Variants in S100Z observed in about 807,000 individuals in gnomAD.
S100Z encodes the protein protein S100-Z.
In S100Z, 11 loss-of-function variants were observed where a neutral mutation model predicts 8.5. The ratio of observed to expected loss-of-function variants is 1.30; its 90% CI spans 0.82 to 2.15. The LOEUF (loss-of-function observed/expected upper bound fraction) is 2.15, where lower values mean the gene tolerates loss of function less well. S100Z is among the 30% of genes most tolerant of loss of function. The probability of loss-of-function intolerance (pLI) is 0.00; values close to 1 mark genes in which losing one functional copy is unlikely to be tolerated. For synonymous variants in S100Z, 34 were observed against 43.8 expected (o/e 0.78, Z 0.89); for missense variants, 126 against 117.9 (o/e 1.07, Z -0.32).
At chr5:76,852,853 A>C (rs1750768868) in intron 1 of S100Z, among the ~76,000 whole-genome samples, 1 of 152,230 alleles carries the variant, frequency 6.6e-6, no homozygotes, top group African/African-American at 2.4e-5. Flanking sequence ...CTAGCAGCCA[A>C]AGAAAAAGAG....
chr5:76,904,994 A>C (rs1370777381), intron 4 of S100Z, among the ~76,000 whole-genome samples: 1 of 151,800 alleles, frequency 6.6e-6, no homozygotes, highest in East Asian at 1.9e-4. Context: ...ACGAAGGGCA[A>C]CTCTCATTCC....
At chr5:76,882,554 A>C (rs1743442242) in intron 4 of S100Z, among the ~76,000 whole-genome samples, 1 of 152,212 alleles carries the variant, frequency 6.6e-6, no homozygotes, top group African/African-American at 2.4e-5. Context: ...CAGTATCCAA[A>C]GGCAAAAGTA....
the S100Z span, among the ~76,000 whole-genome samples, chr5:76,940,347 C>G: frequency 2.0e-5 from 3 of 151,714 alleles, no homozygotes; most frequent in Admixed American, 2.0e-4. Flanking sequence ...GCAAAGGAGG[C>G]TGAGGAAAAT....
the S100Z span, among the ~76,000 whole-genome samples, chr5:76,936,356 T>C: frequency 2.4e-4 from 37 of 152,126 alleles, no homozygotes; most frequent in African/African-American, 8.4e-4. Context: ...TATAAGCTTA[T>C]TTTTATAAGA....
chr5:76,910,028 C>T (rs1011960016), intron 4 of S100Z, among the ~76,000 whole-genome samples: 3 of 152,184 alleles, frequency 2.0e-5, no homozygotes, highest in African/African-American at 7.2e-5. Context: ...GTATGGATCC[C>T]CACTGGGATC....
chr5:76,858,813 C>T (rs929060616), intron 1 of S100Z, among the ~76,000 whole-genome samples: 2 of 152,042 alleles, frequency 1.3e-5, no homozygotes, highest in Non-Finnish European at 2.9e-5. Context: ...GATACACAGA[C>T]TATAAAATAA....
intron 2 of S100Z, among the ~76,000 whole-genome samples, chr5:76,873,953 A>G (rs1225521819): frequency 6.6e-6 from 1 of 152,186 alleles, no homozygotes; most frequent in East Asian, 1.9e-4. Context: ...TAGGTAATAC[A>G]TTCCTATAAC....
chr5:76,932,301 G>A, the S100Z span, among the ~76,000 whole-genome samples: 1 of 152,104 alleles, frequency 6.6e-6, no homozygotes, highest in African/African-American at 2.4e-5. Context: ...TTTCTCCTAG[G>A]CTTTCAACAG....
chr5:76,936,031 C>T, the S100Z span, among the ~76,000 whole-genome samples: 2 of 152,082 alleles, frequency 1.3e-5, no homozygotes, highest in East Asian at 1.9e-4. Context: ...CCCACCTCGG[C>T]GTCCCCAAGT....
chr5:76,850,925 A>G (rs868113947), intron 1 of S100Z, among the ~76,000 whole-genome samples: 36 of 152,112 alleles, frequency 2.4e-4, no homozygotes, highest in African/African-American at 8.7e-4. Flanking sequence ...TGGCTTCCCA[A>G]AGTGCTGCGA....
At chr5:76,869,301 C>A (rs1000662545) in intron 1 of S100Z, among the ~76,000 whole-genome samples, 3 of 151,800 alleles carry the variant, frequency 2.0e-5, no homozygotes, top group African/African-American at 7.3e-5. Flanking sequence ...GAAAAACAAA[C>A]ATAAGGTAGG....
At chr5:76,928,801 A>G in the S100Z span, among the ~76,000 whole-genome samples, 3 of 152,192 alleles carry the variant, frequency 2.0e-5, no homozygotes, top group Non-Finnish European at 2.9e-5. Context: ...AGTGCAGCGC[A>G]CAATCACGGC....
At chr5:76,883,357 G>A (rs1055561725) in intron 4 of S100Z, among the ~76,000 whole-genome samples, 6 of 152,154 alleles carry the variant, frequency 3.9e-5, no homozygotes, top group Admixed American at 1.3e-4. Context: ...AAAATGTCTC[G>A]ACCTAATAAG....
At chr5:76,909,828 G>C (rs1744586447) in intron 4 of S100Z, among the ~76,000 whole-genome samples, 1 of 152,214 alleles carries the variant, frequency 6.6e-6, no homozygotes, top group Non-Finnish European at 1.5e-5. Flanking sequence ...ACAGGGTCTA[G>C]AGCAAACCTT....
rs933296690 is a variant in S100Z, at chr5:76,857,580, A to G, written c.-176+7425A>G. 1.4e-4 allele frequency among the ~76,000 whole-genome samples: 21 copies of G among 150,568 alleles called. 1 individual carries two copies. Among genetic ancestry groups the G allele is most frequent in the Non-Finnish European group, 5.9e-5 (4 of 67,738 alleles). ...AGTGATGAGATCTTAGCTCACTGCA[A>G]ACTCCACCTCCCGGTTCAAGCAATT... On this transcript the variant is annotated intron_variant, in intron 1 of 4. Transcript: ENST00000317593.
In S100Z at chr5:76,869,166, A is replaced by G. The variant is rs1742902935; in HGVS notation, c.-175-1000A>G. Among the ~76,000 whole-genome samples the G allele has an allele frequency of 2.0e-5, 3 of 152,292 alleles. No homozygotes were observed. In the South Asian group the frequency reaches 6.2e-4, roughly 32 times the overall value. ...CCTGTCCCTGTGCTAAATGCTGTGG[A>G]ATGCATAGATGAACCAGATATCAAC... On this transcript the variant is annotated intron_variant, in intron 1 of 4. Transcript: ENST00000317593.
chr5:76,950,281 G>A, the S100Z span, among the ~76,000 whole-genome samples: 1 of 152,156 alleles, frequency 6.6e-6, no homozygotes, highest in African/African-American at 2.4e-5. Context: ...GGGATTTTGT[G>A]GTCACCCTGA....
At chr5:76,914,032 A>C (rs1198282378) in intron 4 of S100Z, among the ~76,000 whole-genome samples, 2 of 152,138 alleles carry the variant, frequency 1.3e-5, no homozygotes, top group African/African-American at 2.4e-5. Flanking sequence ...AAGGCCATCA[A>C]GCCACAGATG....
intron 1 of S100Z, among the ~76,000 whole-genome samples, chr5:76,865,582 TAAAA>T (rs200483334): frequency 8.9e-5 from 13 of 146,648 alleles, no homozygotes; most frequent in African/African-American, 3.0e-4. Context: ...TTTACAAAGT[TAAAA>T]AAAAAATTAA....
Sources: gnomAD v4.1 joint callset for allele counts (sites outside exome capture counted in the v4.1 genomes callset) on GRCh38, gnomAD v4.1.1 for gene constraint, MANE v1.5 for transcripts, NCBI Gene and HGNC (gene_info 2026-07-23, HGNC 2026-07-21) for gene names.